Variants in GPR137C observed in about 807,000 individuals in gnomAD.
The protein encoded by GPR137C is integral membrane protein GPR137C.
A neutral mutation model predicts 43.4 loss-of-function variants in GPR137C; 27 were observed. The observed-to-expected ratio is 0.62, with a 90% CI of 0.46 to 0.86. The LOEUF is 0.86. GPR137C is among the 40% of genes least tolerant of loss of function. The pLI, the probability that GPR137C is intolerant of heterozygous loss-of-function variation, is 0.00. For missense variants in GPR137C, 522 were observed against 534.6 expected, an observed-to-expected ratio of 0.98 and a Z score of 0.23; for synonymous variants, 285 against 226.9, an observed-to-expected ratio of 1.26 and a Z score of -2.30.
rs773436331 is a variant in GPR137C, at chr14:52,600,333, G to A, written c.709G>A (p.Glu237Lys). 7.7e-6 allele frequency: 12 copies of A among 1,553,408 alleles called. No homozygotes were observed. The highest frequency in any genetic ancestry group is 2.3e-5 in the East Asian group (1 of 44,338). Residue 237 changes from glutamate (E) to lysine (K), a missense_variant, in exon 3 of 7, where the codon GAA (glutamate) becomes AAA (lysine). Around this residue, in one of 3 missense-constraint regions of GPR137C, gnomAD observed 437 missense variants for 425.7 expected, o/e 1.03. Coordinates refer to ENST00000321662, the MANE Select transcript of GPR137C (RefSeq NM_001099652.2). ...AATGTCATCAGCTAATGTCTACCTC[G>A]AATCAAAGGTAAGAATATTTCTTAA... ...TKMSSANVYLESKGMSLCQTV... is the reference protein window; with the variant it reads ...TKMSSANVYLKSKGMSLCQTV...
In GPR137C at chr14:52,625,776, G is replaced by A. The variant is rs185088399; in HGVS notation, c.718-6384G>A. 6.0e-3 allele frequency among the ~76,000 whole-genome samples: 905 copies of A among 151,560 alleles called. 3 individuals carry two copies. The highest frequency in any genetic ancestry group is 0.016 in the African/African-American group (672 of 41,344). On this transcript the variant is annotated intron_variant, in intron 3 of 6. Coordinates refer to ENST00000321662, the MANE Select transcript of GPR137C (RefSeq NM_001099652.2). ...TCACCGTGTTAGCCAGGATGGTCTC[G>A]ATCTCCTGATCTTGTGATCCACCTA...
chr14:52,590,994 C>A (rs1299866564), intron 1 of GPR137C, among the ~76,000 whole-genome samples: 1 of 149,178 alleles, frequency 6.7e-6, no homozygotes, highest in African/African-American at 2.5e-5. Context: ...CCCCCACCCC[C>A]TTATAGGCCC....
At chr14:52,629,178 A>G (rs1486355666) in intron 3 of GPR137C, among the ~76,000 whole-genome samples, 3 of 152,224 alleles carry the variant, frequency 2.0e-5, no homozygotes, top group African/African-American at 7.2e-5. Context: ...TGGAAGTATA[A>G]AATTGTACAT....
chr14:52,600,569 A>G (rs1041325123), intron 3 of GPR137C, among the ~76,000 whole-genome samples: 19 of 152,112 alleles, frequency 1.2e-4, no homozygotes, highest in Admixed American at 1.1e-3. Context: ...CTCTGCCTCA[A>G]CCTCCCAGGT....
chr14:52,596,539 C>T (rs183321872), intron 1 of GPR137C, among the ~76,000 whole-genome samples: 11 of 152,320 alleles, frequency 7.2e-5, no homozygotes, highest in African/African-American at 2.6e-4. Flanking sequence ...GTGGATGCCC[C>T]TCCCCCTGCT....
intron 3 of GPR137C, among the ~76,000 whole-genome samples, chr14:52,625,351 G>A (rs1427529950): frequency 3.3e-5 from 5 of 151,088 alleles, no homozygotes; most frequent in Admixed American, 1.3e-4. Context: ...GCGTGGTGGC[G>A]CGCACCTGTA....
chr14:52,607,514 T>A (rs982071615), intron 3 of GPR137C, among the ~76,000 whole-genome samples: 3 of 152,262 alleles, frequency 2.0e-5, no homozygotes, highest in Admixed American at 2.0e-4. Flanking sequence ...TTGTCATGTC[T>A]TCTTGCTCAG....
intron 2 of GPR137C, among the ~76,000 whole-genome samples, chr14:52,598,689 A>G (rs780901390): frequency 1.3e-5 from 2 of 152,190 alleles, no homozygotes; most frequent in Admixed American, 6.5e-5. Context: ...GTACTGATCA[A>G]TCTCAATAGC....
rs1330003199 is a variant in GPR137C at position 52,635,825 on chromosome 14, G to T, written c.*710G>T. The T allele has an allele frequency of 6.6e-6, 1 of 152,054 alleles. No individual in the cohort carries two copies. Among genetic ancestry groups the T allele is most frequent in the Non-Finnish European group, 1.5e-5 (1 of 67,966 alleles). 9.4% of individuals were successfully genotyped at this position (152,054 alleles called of 1,614,324 possible). A position where few individuals can be genotyped will look rare whatever the true frequency, so the allele number is the denominator to read the frequency against. ...GTAGAATTGGTCAGTTGATTATTTTGTGTAATTGAGATATATGTAGTAGTT... is the reference window on the plus strand; with the variant it reads ...GTAGAATTGGTCAGTTGATTATTTTTTGTAATTGAGATATATGTAGTAGTT... On this transcript the variant is annotated 3_prime_UTR_variant, in exon 7 of 7. Transcript: ENST00000321662.
intron 1 of GPR137C, among the ~76,000 whole-genome samples, chr14:52,563,788 C>T (rs540204834): frequency 6.6e-6 from 1 of 152,310 alleles, no homozygotes; most frequent in South Asian, 2.1e-4. Context: ...CACTGCATCA[C>T]CAAATCCTGT....
At position 52,558,201 on chromosome 14, in the gene GPR137C, G is replaced by T. The variant is rs374734409; in HGVS notation, c.444+4610G>T. 9.2e-5 allele frequency among the ~76,000 whole-genome samples: 14 copies of T among 152,180 alleles called. No homozygotes were observed. The East Asian group carries it at 2.7e-3, about 29-fold the overall frequency. ...TTCAGCTGCCTCCTGTTAGCCTACT[G>T]CCCAGATTTTAATTTTGTGTGTTGA... On this transcript the variant is annotated intron_variant, in intron 1 of 6. Transcript: ENST00000321662.
At chr14:52,575,874 C>T (rs1284932140) in intron 1 of GPR137C, among the ~76,000 whole-genome samples, 1 of 152,138 alleles carries the variant, frequency 6.6e-6, no homozygotes, top group African/African-American at 2.4e-5. Context: ...TTCTCTTAGT[C>T]CAGGAGACTT....
chr14:52,563,644 A>T (rs1311135323), intron 1 of GPR137C, among the ~76,000 whole-genome samples: 6 of 152,134 alleles, frequency 3.9e-5, no homozygotes. Context: ...ATCCCAACTC[A>T]AAAACACACA....
At chr14:52,596,695 C>T (rs2038860588) in intron 1 of GPR137C, among the ~76,000 whole-genome samples, 1 of 152,174 alleles carries the variant, frequency 6.6e-6, no homozygotes, top group Admixed American at 6.5e-5. Context: ...AGTATTTGGA[C>T]GAGAGTGTAC....
chr14:52,622,659 TA>T (rs780322185), intron 3 of GPR137C, among the ~76,000 whole-genome samples: 1 of 151,854 alleles, frequency 6.6e-6, no homozygotes, highest in South Asian at 2.1e-4. Context: ...GTCTGTCAGG[TA>T]AAAAATGGTG....
rs778454278 is a variant in GPR137C, at chr14:52,554,352, G to A, written c.444+761G>A. On this transcript the variant is annotated intron_variant, in intron 1 of 6. Transcript: ENST00000321662. Reference sequence around the variant, plus strand: ...ATTGCAGAAACAAAACCACCAAACTGTTTTTGCAATAACTTGCTTAATATC... The same window carrying A: ...ATTGCAGAAACAAAACCACCAAACTATTTTTGCAATAACTTGCTTAATATC... 2.0e-5 allele frequency among the ~76,000 whole-genome samples: 3 copies of A among 152,280 alleles called. No individual in the cohort carries two copies. The South Asian group carries it at 6.2e-4, about 32-fold the overall frequency.
At position 52,583,029 on chromosome 14, in the gene GPR137C, T is replaced by C. The variant is rs577305188; in HGVS notation, c.445-15243T>C. On this transcript the variant is annotated intron_variant, in intron 1 of 6. Coordinates refer to ENST00000321662, the MANE Select transcript of GPR137C (RefSeq NM_001099652.2). ...TTTGACAGCCATTAACCCTTAAAAT[T>C]CTTTATACTTTCATAGAAAGAATAA... 2.3e-3 allele frequency among the ~76,000 whole-genome samples: 350 copies of C among 152,284 alleles called. 3 individuals carry two copies. The highest frequency in any genetic ancestry group is 3.9e-3 in the Non-Finnish European group (267 of 68,016).
chr14:52,607,873 T>C (rs1452608150), intron 3 of GPR137C, among the ~76,000 whole-genome samples: 1 of 148,952 alleles, frequency 6.7e-6, no homozygotes, highest in Non-Finnish European at 1.5e-5. Context: ...AGACTCTGTC[T>C]CAAAAAAAAA....
chr14:52,611,662 A>G, intron 3 of GPR137C: 1 of 544,962 alleles, frequency 1.8e-6, no homozygotes, highest in Non-Finnish European at 2.3e-6. Flanking sequence ...ATATAAATGT[A>G]TTTATTTCAA....
Sources: gnomAD v4.1 joint callset for allele counts (sites outside exome capture counted in the v4.1 genomes callset) on GRCh38, gnomAD v4.1.1 for gene constraint, gnomAD v4.1.1 regional missense constraint, MANE v1.5 for transcripts, NCBI Gene and HGNC (gene_info 2026-07-23, HGNC 2026-07-21) for gene names.